Variants in WDR43 observed in about 807,000 individuals in gnomAD.
The protein encoded by WDR43 is WD repeat domain 43.
In WDR43, 13 loss-of-function variants were observed where a neutral mutation model predicts 91.4. The observed-to-expected ratio is 0.14, with a 90% CI of 0.09 to 0.23. The LOEUF is 0.23. WDR43 is among the 10% of genes least tolerant of loss of function. The pLI is 1.00. For synonymous variants in WDR43, 331 were observed against 287.9 expected (o/e 1.15, Z -1.51); for missense variants, 780 against 809.4 (o/e 0.96, Z 0.44).
At chr2:28,924,938 CG>C (rs1671099344) in intron 7 of WDR43, 43 bp from the exon 8 acceptor site, 1 of 1,581,816 alleles carries the variant, frequency 6.3e-7, no homozygotes, top group Non-Finnish European at 8.6e-7. Context: ...TAGTATGAGA[CG>C]TTTTTTCAAA....
rs750301384 is a variant in WDR43 at position 28,894,758 on chromosome 2, C to A, written c.60C>A (p.Ala20=). 6 of 1,601,108 alleles carry A rather than the reference C, an allele frequency of 3.7e-6. No individual in the cohort carries two copies. The highest frequency in any genetic ancestry group is 4.3e-6 in the Non-Finnish European group (5 of 1,174,354). ...TGGCCCCTGCTGGGGTCCCTTGCGCCTTCTCCCCGCACAGCCAGGCCTACT... is the reference window on the plus strand; with the variant it reads ...TGGCCCCTGCTGGGGTCCCTTGCGCATTCTCCCCGCACAGCCAGGCCTACT... ...DPLAPAGVPC[A]FSPHSQAYFA... Residue 20 remains alanine (A), a synonymous_variant, in exon 1 of 18, where the codon GCC becomes GCA. Transcript: ENST00000407426.
In WDR43 at chr2:28,895,060, C is replaced by G. The variant is rs1243583157; in HGVS notation, c.225+137C>G. 1.5e-5 allele frequency: 13 copies of G among 871,958 alleles called. 1 individual carries two copies. Among genetic ancestry groups the G allele is most frequent in the Non-Finnish European group, 1.8e-5 (12 of 650,154 alleles). 54.0% of individuals were successfully genotyped at this position (871,958 alleles called of 1,614,324 possible). A position where few individuals can be genotyped will look rare whatever the true frequency, so the allele number is the denominator to read the frequency against. Reference sequence around the variant, plus strand: ...AGAAGGCTTGGAGGCGGCGTCGGCGCGTTCAGGGCCCAAGCCGCCAGCCCC... The same window carrying G: ...AGAAGGCTTGGAGGCGGCGTCGGCGGGTTCAGGGCCCAAGCCGCCAGCCCC... On this transcript the variant is annotated intron_variant, in intron 1 of 17. Coordinates refer to ENST00000407426, the MANE Select transcript of WDR43 (RefSeq NM_015131.3).
At chr2:28,921,100 A>G (rs1322238410) in intron 6 of WDR43, among the ~76,000 whole-genome samples, 2 of 151,792 alleles carry the variant, frequency 1.3e-5, no homozygotes, top group East Asian at 3.9e-4. Flanking sequence ...ATTATTGATA[A>G]TAAAGAAGGG....
chr2:28,938,023 T>G, intron 14 of WDR43, 29 bp downstream of exon 14: 1 of 1,609,794 alleles, frequency 6.2e-7, no homozygotes, highest in Non-Finnish European at 8.5e-7. Flanking sequence ...TGTTGCCGAG[T>G]ATGAATAGTT....
rs373050434 is a variant in WDR43 at position 28,935,587 on chromosome 2, A to G, written c.1504A>G (p.Ile502Val). ...TGTATTAAGGATGCCCCTGCATACT[A>G]TTATTCCGTTGTTACAAGAGGTAAC... Reference protein sequence around the residue: ...KTVLRMPLHTIIPLLQELTKR... With the variant: ...KTVLRMPLHTVIPLLQELTKR... Residue 502 changes from isoleucine (I) to valine (V), a missense_variant, in exon 12 of 18, where the codon ATT (isoleucine) becomes GTT (valine). Transcript: ENST00000407426. The G allele has an allele frequency of 1.4e-5, 23 of 1,593,166 alleles. No homozygotes were observed. The highest frequency in any genetic ancestry group is 1.7e-4 in the Middle Eastern group (1 of 6,018).
At chr2:28,937,016 G>C (rs970265957) in intron 13 of WDR43, 63 bp downstream of exon 13, 3 of 1,479,288 alleles carry the variant, frequency 2.0e-6, no homozygotes, top group South Asian at 1.3e-5. Context: ...AATATTAGGT[G>C]GTTCTGATTT....
At chr2:28,906,005 G>C (rs922532847) in intron 2 of WDR43, among the ~76,000 whole-genome samples, 1 of 152,000 alleles carries the variant, frequency 6.6e-6, no homozygotes, top group Non-Finnish European at 1.5e-5. Context: ...GATAGATAAA[G>C]GTTAAAGCTT....
intron 1 of WDR43, 21 bp downstream of exon 1, chr2:28,894,944 CG>C (rs1469997615): frequency 2.0e-6 from 3 of 1,515,656 alleles, no homozygotes; most frequent in East Asian, 5.3e-5. Context: ...CGGGACTGCG[CG>C]GGGCGGGCGC....
intron 15 of WDR43, 130 bp downstream of exon 15, chr2:28,941,704 C>T (rs993952939): frequency 1.3e-5 from 9 of 671,598 alleles, no homozygotes; most frequent in Non-Finnish European, 2.3e-5. Flanking sequence ...GATCATAGCT[C>T]ACTGCAGCCT....
At chr2:28,901,792 G>A (rs545611424) in intron 1 of WDR43, among the ~76,000 whole-genome samples, 195 bp from the exon 2 acceptor site, 2 of 152,220 alleles carry the variant, frequency 1.3e-5, no homozygotes, top group East Asian at 3.9e-4. Flanking sequence ...GGAGACGGGG[G>A]ACATAGAATT....
At position 28,911,583 on chromosome 2, in the gene WDR43, C is replaced by T. The variant is rs569949138; in HGVS notation, c.486-1007C>T. ...TGCTGGGATTACAGGCATGAGCCAC[C>T]GCGCCCAGCCTCTTAATAACCTCTT... is the stretch of plus-strand genomic sequence containing the variant. On this transcript the variant is annotated intron_variant, in intron 3 of 17. Coordinates refer to ENST00000407426, the MANE Select transcript of WDR43 (RefSeq NM_015131.3). 3.3e-5 allele frequency among the ~76,000 whole-genome samples: 5 copies of T among 152,050 alleles called. No homozygotes were observed. The East Asian group carries it at 5.8e-4, about 18-fold the overall frequency.
chr2:28,913,760 CT>C (rs1196002690), intron 4 of WDR43: 2 of 556,252 alleles, frequency 3.6e-6, no homozygotes, highest in Non-Finnish European at 3.5e-6. Flanking sequence ...CAAAGTATGC[CT>C]TTTAAAATGG....
rs1298037865 is a variant in WDR43 at position 28,927,569 on chromosome 2, G to C, written c.1174G>C (p.Val392Leu). ...APKVETAITK[V>L]RTPVMNSEAK... ...CACTTTGGCTATTCCTGTTGAACAGGTGAGGACACCAGTGATGAATTCTGA... is the reference window on the plus strand; with the variant it reads ...CACTTTGGCTATTCCTGTTGAACAGCTGAGGACACCAGTGATGAATTCTGA... The change falls in exon 10 of 18, where the codon GTG becomes CTG. Residue 392 changes from valine (V) to leucine (L), a missense_variant and splice_region_variant. Physicochemically the swap from Val to Leu is conservative, Grantham distance 32 (BLOSUM62 1). This residue lies in a region of WDR43 where 426 missense variants were observed against 467.8 expected (regional missense o/e 0.91). Coordinates refer to ENST00000407426, the MANE Select transcript of WDR43 (RefSeq NM_015131.3). 6.2e-7 allele frequency: 1 copy of C among 1,613,772 alleles called. No homozygotes were observed.
chr2:28,931,675 C>T (rs534817836), intron 11 of WDR43, among the ~76,000 whole-genome samples: 5 of 148,576 alleles, frequency 3.4e-5, no homozygotes, highest in African/African-American at 7.4e-5. Flanking sequence ...TTTGCAAGAA[C>T]GTTTCAAAGA....
chr2:28,939,153 A>C (rs1671390898), intron 14 of WDR43, among the ~76,000 whole-genome samples: 1 of 147,236 alleles, frequency 6.8e-6, no homozygotes, highest in African/African-American at 2.5e-5. Context: ...ACTTGGGAGC[A>C]CTGGTGAGAG....
At chr2:28,937,434 G>A (rs570503861) in intron 13 of WDR43, among the ~76,000 whole-genome samples, 4 of 150,888 alleles carry the variant, frequency 2.7e-5, no homozygotes, top group African/African-American at 7.3e-5. Flanking sequence ...TTTTTTTCTC[G>A]TGGGGTGCAT....
At chr2:28,940,477 G>A (rs955809916) in intron 14 of WDR43, among the ~76,000 whole-genome samples, 6 of 151,956 alleles carry the variant, frequency 3.9e-5, no homozygotes, top group East Asian at 1.9e-4. Context: ...TGATCTGCCC[G>A]CCTCAGCCTC....
intron 3 of WDR43, among the ~76,000 whole-genome samples, chr2:28,908,468 G>A (rs1670726674): frequency 6.6e-6 from 1 of 152,124 alleles, no homozygotes; most frequent in Non-Finnish European, 1.5e-5. Context: ...TGATCCAGTA[G>A]GTCTGGGGTA....
intron 15 of WDR43, 118 bp from the exon 16 acceptor site, chr2:28,942,194 T>G: frequency 1.1e-6 from 1 of 884,682 alleles, no homozygotes; most frequent in Non-Finnish European, 1.8e-6. Context: ...AGGTCCTCCA[T>G]TATGGTGGTG....
Sources: gnomAD v4.1 joint callset for allele counts (sites outside exome capture counted in the v4.1 genomes callset) on GRCh38, gnomAD v4.1.1 for gene constraint, gnomAD v4.1.1 regional missense constraint, MANE v1.5 for transcripts, NCBI Gene and HGNC (gene_info 2026-07-23, HGNC 2026-07-21) for gene names.